The following RCBTB2 variants were observed in gnomAD, a reference collection of about 807,000 sequenced individuals.
The protein encoded by RCBTB2 is RCC1 and BTB domain-containing protein 2.
A neutral mutation model predicts 65.4 loss-of-function variants in RCBTB2; 55 were observed. That is an observed-to-expected ratio of 0.84 (90% CI 0.68 to 1.05). The LOEUF is 1.05. RCBTB2 is among the 50% of genes least tolerant of loss of function. The pLI, the probability that RCBTB2 is intolerant of heterozygous loss-of-function variation, is 0.00. For missense variants in RCBTB2, 599 were observed against 680.1 expected, an observed-to-expected ratio of 0.88 and a Z score of 1.33; for synonymous variants, 220 against 255.2, an observed-to-expected ratio of 0.86 and a Z score of 1.31.
chr13:48,496,597 T>C (rs142750034), intron 13 of RCBTB2, among the ~76,000 whole-genome samples: 1 of 151,562 alleles, frequency 6.6e-6, no homozygotes, highest in East Asian at 1.9e-4. Flanking sequence ...GAAAAAAGCA[T>C]GTGCGCCTTG....
intron 4 of RCBTB2, among the ~76,000 whole-genome samples, chr13:48,517,960 G>A (rs1951187154): frequency 6.6e-6 from 1 of 152,170 alleles, no homozygotes; most frequent in Non-Finnish European, 1.5e-5. Context: ...GGCACACAGT[G>A]ATGCACAGGG....
chr13:48,535,255 CTT>C (rs563743014), upstream of RCBTB2, among the ~76,000 whole-genome samples: 21 of 136,246 alleles, frequency 1.5e-4, no homozygotes, highest in Admixed American at 2.2e-4. Context: ...TATTCATCCT[CTT>C]TTTTTTTTTT....
upstream of RCBTB2, among the ~76,000 whole-genome samples, chr13:48,535,453 G>A (rs376864126): frequency 1.9e-4 from 29 of 152,020 alleles, no homozygotes; most frequent in African/African-American, 5.5e-4. Flanking sequence ...ATGGGGTTTC[G>A]CCATGTTGGC....
intron 13 of RCBTB2, among the ~76,000 whole-genome samples, chr13:48,498,599 G>A (rs1293518844): frequency 1.3e-5 from 2 of 152,140 alleles, no homozygotes; most frequent in Non-Finnish European, 2.9e-5. Flanking sequence ...GCGTGGTGGT[G>A]CATGCCTGTA....
chr13:48,499,467 A>C (rs1413328737), intron 13 of RCBTB2, among the ~76,000 whole-genome samples, 154 bp downstream of exon 13: 1 of 152,184 alleles, frequency 6.6e-6, no homozygotes, highest in Non-Finnish European at 1.5e-5. Context: ...CTTTGTAATA[A>C]AGTAGTAACA....
intron 1 of RCBTB2, among the ~76,000 whole-genome samples, chr13:48,527,897 T>G (rs1160596449): frequency 2.0e-5 from 3 of 152,202 alleles, no homozygotes; most frequent in Non-Finnish European, 4.4e-5. Flanking sequence ...TAAAGTCAAA[T>G]AATTCATTTG....
At chr13:48,490,715 T>C (rs956383676) in intron 14 of RCBTB2, among the ~76,000 whole-genome samples, 3 of 152,278 alleles carry the variant, frequency 2.0e-5, no homozygotes, top group South Asian at 2.1e-4. Context: ...TGCCAAGAAA[T>C]TGCTGCTCTG....
chr13:48,500,921 A>C (rs1405599862), intron 12 of RCBTB2, among the ~76,000 whole-genome samples: 1 of 152,230 alleles, frequency 6.6e-6, no homozygotes, highest in Non-Finnish European at 1.5e-5. Flanking sequence ...CTTGAGACTA[A>C]AATGCTGTGT....
Position 48,493,225 on chromosome 13 carries a change from T to TCACACACA in RCBTB2, c.1515+2958_1515+2965dup, listed in dbSNP as rs3085589. On this transcript the variant is annotated intron_variant, in intron 14 of 14. Coordinates refer to ENST00000344532, the MANE Select transcript of RCBTB2 (RefSeq NM_001268.4). ...TATACAGCCTCCTAAGTACCCTCCT[T>TCACACACA]CACACACACACACACACACACACAC... Among the ~76,000 whole-genome samples the TCACACACA allele has an allele frequency of 7.7e-3, 841 of 109,142 alleles. 28 individuals carry two copies. Among genetic ancestry groups the TCACACACA allele is most frequent in the African/African-American group, 0.039 (700 of 18,110 alleles). The allele number at this position is 109,142 out of a possible 152,430, so 71.6% of individuals were successfully genotyped here. A position where few individuals can be genotyped will look rare whatever the true frequency, so the allele number is the denominator to read the frequency against.
At chr13:48,522,548 C>A in intron 2 of RCBTB2, 145 bp from the exon 3 acceptor site, 3 of 585,838 alleles carry the variant, frequency 5.1e-6, no homozygotes, top group Non-Finnish European at 9.1e-6. Flanking sequence ...GCCTTAATAA[C>A]CATGCCCACA....
chr13:48,515,500 T>G, intron 5 of RCBTB2, 86 bp downstream of exon 5: 1 of 1,404,708 alleles, frequency 7.1e-7, no homozygotes, highest in East Asian at 2.3e-5. Flanking sequence ...TTTTTAACCT[T>G]TTATTCCTTA....
In RCBTB2 at chr13:48,512,030, C is replaced by T; in HGVS notation, c.661G>A (p.Val221Ile). 1.9e-6 allele frequency: 3 copies of T among 1,614,024 alleles called. No individual in the cohort carries two copies. Among genetic ancestry groups the T allele is most frequent in the Non-Finnish European group, 2.5e-6 (3 of 1,179,862 alleles). ...AACTTCCTTACCTCCCCCGTGTCTA[C>T]TACTGCCATGCAGCACATCTGCCCA... ...ACGQMCCMAV[V>I]DTGEVYVWGY... The change falls in exon 8 of 15, where the codon GTA (valine) becomes ATA (isoleucine). Residue 221 changes from valine to isoleucine, a missense_variant. Val to Ile is a conservative substitution (Grantham distance 29). Transcript: ENST00000344532.
chr13:48,504,202 ACTCT>A (rs1950378331), intron 10 of RCBTB2: 1 of 984,698 alleles, frequency 1.0e-6, no homozygotes, highest in Non-Finnish European at 1.2e-6. Context: ...CTTGCCTTAG[ACTCT>A]CTCTTCTGCC....
chr13:48,535,609 T>C, upstream of RCBTB2: 1 of 454,906 alleles, frequency 2.2e-6, no homozygotes. Flanking sequence ...TACCCCTCCA[T>C]TGAAACTCCT....
At position 48,496,270 on chromosome 13, in the gene RCBTB2, C is replaced by T. The variant is rs532249975; in HGVS notation, c.1436G>A (p.Cys479Tyr). Residue 479 changes from cysteine (C) to tyrosine (Y), a missense_variant, in exon 14 of 15, where the codon TGC becomes TAC. Physicochemically the swap from Cys to Tyr is radical, Grantham distance 194 (BLOSUM62 -2). Transcript: ENST00000344532. ...FYRENRLKKL[C>Y]QQTIKQGICE... is the part of the protein sequence containing the mutation. ...GATGCCTTGCTTGATAGTTTGTTGGCAGAGCTTTTTCAAACGATTTTCTCT... is the reference window on the plus strand; with the variant it reads ...GATGCCTTGCTTGATAGTTTGTTGGTAGAGCTTTTTCAAACGATTTTCTCT... 2.6e-5 allele frequency: 41 copies of T among 1,591,522 alleles called. No homozygotes were observed. Among genetic ancestry groups the T allele is most frequent in the Non-Finnish European group, 3.4e-5 (40 of 1,169,054 alleles).
In RCBTB2 at chr13:48,489,488, T is replaced by G. The variant is rs1593558659; in HGVS notation, c.*623A>C. The G allele has an allele frequency of 6.6e-6, 1 of 152,400 alleles. No individual in the cohort carries two copies. Among genetic ancestry groups the G allele is most frequent in the Middle Eastern group, 3.4e-3 (1 of 294 alleles). The allele number at this position is 152,400 out of a possible 1,614,324, so 9.4% of individuals were successfully genotyped here. Reference sequence around the variant, plus strand: ...AATTAGCCCTTGGGCCTTGACAATTTAATTGCCAGGGCCTTTTGTCAATTC... The same window carrying G: ...AATTAGCCCTTGGGCCTTGACAATTGAATTGCCAGGGCCTTTTGTCAATTC... On this transcript the variant is annotated 3_prime_UTR_variant, in exon 15 of 15. Transcript: ENST00000344532.
At position 48,515,321 on chromosome 13, in the gene RCBTB2, A is replaced by G; in HGVS notation, c.233T>C (p.Leu78Ser). ...FVLGTNCCGC[L>S]GLGDVQSTIE... ...GGTGCTCTGGACGTCACCTAACCCC[A>G]AACAGCCACAGCAGTTTGTGCCAAG... The change falls in exon 6 of 15, where the codon TTG becomes TCG. Residue 78 changes from leucine (L) to serine (S), a missense_variant. Leu to Ser is a moderately radical substitution (Grantham distance 145). Coordinates refer to ENST00000344532, the MANE Select transcript of RCBTB2 (RefSeq NM_001268.4). The G allele has an allele frequency of 6.2e-7, 1 of 1,614,148 alleles. No individual in the cohort carries two copies. Among genetic ancestry groups the G allele is most frequent in the African/African-American group, 1.3e-5 (1 of 75,052 alleles).
intron 14 of RCBTB2, among the ~76,000 whole-genome samples, chr13:48,495,010 C>A (rs1949906712): frequency 6.6e-6 from 1 of 151,982 alleles, no homozygotes; most frequent in Non-Finnish European, 1.5e-5. Flanking sequence ...CACTTTTTGT[C>A]TTTTACAAAT....
At chr13:48,532,764 G>C (rs958350558) in intron 1 of RCBTB2, 9 of 308,814 alleles carry the variant, frequency 2.9e-5, no homozygotes, top group African/African-American at 9.4e-5. Context: ...CGCATGCGCA[G>C]GGCCGCCTCT....
Sources: allele counts gnomAD v4.1 joint callset (sites outside exome capture counted in the v4.1 genomes callset), GRCh38; gene constraint gnomAD v4.1.1; transcripts MANE v1.5; gene names NCBI Gene and HGNC (gene_info 2026-07-23, HGNC 2026-07-21).